NHLRC2: variants seen among roughly 807,000 people sequenced by gnomAD.
The protein encoded by NHLRC2 is NHL repeat containing 2.
NHLRC2 carries 33 observed loss-of-function variants against 68.1 expected under a neutral mutation model. That is an observed-to-expected ratio of 0.48 (90% CI 0.37 to 0.65). The LOEUF is 0.65. Ranked by LOEUF, NHLRC2 falls within the 30% of genes least tolerant of loss-of-function variation. The pLI is 0.00. For missense variants in NHLRC2, 761 were observed against 853.8 expected, an observed-to-expected ratio of 0.89 and a Z score of 1.35; for synonymous variants, 311 against 309.6, an observed-to-expected ratio of 1.00 and a Z score of -0.05.
chr10:113,869,254 T>A (rs1845899694), intron 2 of NHLRC2, among the ~76,000 whole-genome samples: 1 of 152,198 alleles, frequency 6.6e-6, no homozygotes, highest in Admixed American at 6.5e-5. Flanking sequence ...GATTGATTAC[T>A]ACAGAGATGT....
intron 5 of NHLRC2, among the ~76,000 whole-genome samples, chr10:113,895,970 C>T (rs918339168): frequency 1.3e-5 from 2 of 152,020 alleles, no homozygotes; most frequent in African/African-American, 4.8e-5. Context: ...AATGAGATAC[C>T]ATCTCACACC....
In NHLRC2 at chr10:113,903,671, T is replaced by C. The variant is rs769330343; in HGVS notation, c.1639T>C (p.Tyr547His). Residue 547 changes from tyrosine (Y) to histidine (H), a missense_variant, in exon 9 of 11, where the codon TAT (tyrosine) becomes CAT (histidine). Coordinates refer to ENST00000369301, the MANE Select transcript of NHLRC2 (RefSeq NM_198514.4). ...TATTGGAGAGAATGGAGAATTATTA[T>C]ATGTAGCAGACACCAATAATCATCA... The part of the protein sequence containing the change: ...LCIGENGELL[Y>H]VADTNNHQIK... 1.9e-6 allele frequency: 3 copies of C among 1,603,644 alleles called. No homozygotes were observed. The African/African-American group carries it at 4.0e-5, about 21-fold the overall frequency.
chr10:113,885,723 T>G (rs1395675531), intron 5 of NHLRC2, among the ~76,000 whole-genome samples: 2 of 152,062 alleles, frequency 1.3e-5, no homozygotes, highest in African/African-American at 4.8e-5. Context: ...TTACAGAATA[T>G]GTACAATATA....
In NHLRC2 at chr10:113,908,729, T is replaced by G; in HGVS notation, c.*193T>G. The G allele has an allele frequency of 1.7e-6, 1 of 592,720 alleles. No homozygotes were observed. Among genetic ancestry groups the G allele is most frequent in the Non-Finnish European group, 3.0e-6 (1 of 337,462 alleles). 36.7% of individuals were successfully genotyped at this position (592,720 alleles called of 1,614,324 possible). A position where few individuals can be genotyped will look rare whatever the true frequency, so the allele number is the denominator to read the frequency against. The stretch of plus-strand genomic sequence containing the variant: ...TTTATTATAAACAAATTCCTTTGCT[T>G]TGGCTGATACTAGCTGAGTCATTGA... On this transcript the variant is annotated 3_prime_UTR_variant, in exon 11 of 11. Transcript: ENST00000369301.
chr10:113,855,490 C>G (rs951908249), intron 1 of NHLRC2, among the ~76,000 whole-genome samples: 1 of 151,030 alleles, frequency 6.6e-6, no homozygotes, highest in Admixed American at 6.6e-5. Flanking sequence ...TTTTTTGATA[C>G]GGAGTCTCGC....
chr10:113,905,940 C>T (rs1846271630), intron 10 of NHLRC2, among the ~76,000 whole-genome samples: 2 of 152,140 alleles, frequency 1.3e-5, no homozygotes, highest in African/African-American at 4.8e-5. Context: ...GAAACCACCC[C>T]TTGTCACTTC....
At chr10:113,899,823 C>T (rs1846212585) in intron 6 of NHLRC2, among the ~76,000 whole-genome samples, 1 of 151,962 alleles carries the variant, frequency 6.6e-6, no homozygotes. Context: ...GAGGCTGTGG[C>T]AGGAGAATCG....
chr10:113,909,074 A>G lies in NHLRC2; in HGVS notation c.*538A>G, dbSNP rs1370655140. Reference sequence around the variant, plus strand: ...GAAGCTTAAGGAGTACATCAGTGGTAAATACGATCTTTATTCTCTTCTGTG... The same window carrying G: ...GAAGCTTAAGGAGTACATCAGTGGTGAATACGATCTTTATTCTCTTCTGTG... On this transcript the variant is annotated 3_prime_UTR_variant, in exon 11 of 11. Coordinates refer to ENST00000369301, the MANE Select transcript of NHLRC2 (RefSeq NM_198514.4). 1 of 152,462 alleles carries G rather than the reference A, an allele frequency of 6.6e-6. No individual in the cohort carries two copies. Among genetic ancestry groups the G allele is most frequent in the African/African-American group, 2.4e-5 (1 of 41,450 alleles). 9.4% of individuals were successfully genotyped at this position (152,462 alleles called of 1,614,324 possible). A position where few individuals can be genotyped will look rare whatever the true frequency, so the allele number is the denominator to read the frequency against.
At chr10:113,892,182 G>C (rs1395327538) in intron 5 of NHLRC2, among the ~76,000 whole-genome samples, 5 of 152,066 alleles carry the variant, frequency 3.3e-5, no homozygotes, top group Non-Finnish European at 5.9e-5. Flanking sequence ...TACTTAAAAT[G>C]ACAGAATTTT....
intron 2 of NHLRC2, among the ~76,000 whole-genome samples, chr10:113,873,881 A>G (rs1214971029): frequency 6.6e-6 from 1 of 152,204 alleles, no homozygotes; most frequent in Non-Finnish European, 1.5e-5. Context: ...TTTGCCTTGC[A>G]TATCTTTTTC....
At chr10:113,895,860 T>TA (rs1390138996) in intron 5 of NHLRC2, among the ~76,000 whole-genome samples, 2 of 152,184 alleles carry the variant, frequency 1.3e-5, no homozygotes, top group Non-Finnish European at 2.9e-5. Flanking sequence ...TAGGAGTAAT[T>TA]ACATTTCATT....
At chr10:113,899,064 G>A (rs1298753696) in intron 6 of NHLRC2, among the ~76,000 whole-genome samples, 1 of 152,022 alleles carries the variant, frequency 6.6e-6, no homozygotes, top group East Asian at 1.9e-4. Context: ...TGACCTCACT[G>A]TACCTGGTGT....
chr10:113,855,741 C>T (rs1365593472), intron 1 of NHLRC2, among the ~76,000 whole-genome samples: 3 of 152,208 alleles, frequency 2.0e-5, no homozygotes, highest in East Asian at 3.8e-4. Context: ...TCAAGTGATC[C>T]TCCCGCCTCC....
intron 3 of NHLRC2, among the ~76,000 whole-genome samples, chr10:113,878,893 C>G (rs975223504): frequency 6.6e-5 from 10 of 152,088 alleles, no homozygotes; most frequent in Admixed American, 5.9e-4. Context: ...CAATGGAGTT[C>G]CACAAAGCAG....
At chr10:113,879,490 C>A in intron 3 of NHLRC2, 84 bp from the exon 4 acceptor site, 1 of 1,176,534 alleles carries the variant, frequency 8.5e-7, no homozygotes, top group African/African-American at 1.6e-5. Flanking sequence ...TATTAAAATC[C>A]CAGCATTAAA....
intron 5 of NHLRC2, among the ~76,000 whole-genome samples, chr10:113,894,385 G>A (rs907478221): frequency 3.9e-5 from 6 of 152,018 alleles, no homozygotes; most frequent in South Asian, 4.1e-4. Flanking sequence ...TTTGAATGTC[G>A]TTATAAATTT....
chr10:113,875,676 G>A (rs1160406726), intron 2 of NHLRC2, among the ~76,000 whole-genome samples: 3 of 152,148 alleles, frequency 2.0e-5, no homozygotes, highest in Non-Finnish European at 4.4e-5. Flanking sequence ...CCATCTTCAA[G>A]CAGGGTGTGT....
chr10:113,915,570 G>A lies in NHLRC2; in HGVS notation c.*7034G>A, dbSNP rs1846375467. ...TGAAAGGAGACCTCAAACTGATGCT[G>A]AGAAGTAGACAAAATCAGCTCTCAG... is the stretch of plus-strand genomic sequence containing the variant. On this transcript the variant is annotated 3_prime_UTR_variant, in exon 11 of 11. Coordinates refer to ENST00000369301, the MANE Select transcript of NHLRC2 (RefSeq NM_198514.4). 4.0e-6 allele frequency: 1 copy of A among 249,078 alleles called. No individual in the cohort carries two copies. Among genetic ancestry groups the A allele is most frequent in the Non-Finnish European group, 7.9e-6 (1 of 126,746 alleles). 15.4% of individuals were successfully genotyped at this position (249,078 alleles called of 1,614,324 possible).
At chr10:113,905,157 C>A in intron 10 of NHLRC2, 121 bp downstream of exon 10, 1 of 479,864 alleles carries the variant, frequency 2.1e-6, no homozygotes. Context: ...ATCATATGAA[C>A]AAATGAATCC....
Sources: gnomAD v4.1 joint callset for allele counts (sites outside exome capture counted in the v4.1 genomes callset) on GRCh38, gnomAD v4.1.1 for gene constraint, MANE v1.5 for transcripts, NCBI Gene and HGNC (gene_info 2026-07-23, HGNC 2026-07-21) for gene names.